Variants in DLG2 observed in about 807,000 individuals in gnomAD.
The protein encoded by DLG2 is discs large MAGUK scaffold protein 2.
DLG2 carries 45 observed loss-of-function variants against 132.5 expected under a neutral mutation model. The ratio of observed to expected loss-of-function variants is 0.34; its 90% CI spans 0.27 to 0.44. The LOEUF (loss-of-function observed/expected upper bound fraction) is 0.44, where lower values mean the gene tolerates loss of function less well. DLG2 is among the 20% of genes least tolerant of loss of function. DLG2 has a pLI of 1.00. For synonymous variants in DLG2, 424 were observed against 419.6 expected (o/e 1.01, Z -0.13); for missense variants, 1,045 against 1,196.9 (o/e 0.87, Z 1.87).
At chr11:84,851,702 A>G (rs538408083) in intron 6 of DLG2, among the ~76,000 whole-genome samples, 83 of 152,024 alleles carry the variant, frequency 5.5e-4, no homozygotes, top group Non-Finnish European at 1.1e-3. Flanking sequence ...TGGTGTGAGT[A>G]AATCTCAACT....
At chr11:84,400,217 A>G (rs551734797) in intron 7 of DLG2, among the ~76,000 whole-genome samples, 1 of 152,382 alleles carries the variant, frequency 6.6e-6, no homozygotes, top group East Asian at 1.9e-4. Context: ...TATAATTTCA[A>G]AAGAGCATTC....
intron 7 of DLG2, among the ~76,000 whole-genome samples, chr11:84,357,522 A>C (rs927955151): frequency 6.6e-6 from 1 of 152,030 alleles, no homozygotes; most frequent in Non-Finnish European, 1.5e-5. Flanking sequence ...TTTATGTTTA[A>C]GAGCAATGGC....
chr11:84,620,483 T>G (rs1251517942), intron 6 of DLG2, among the ~76,000 whole-genome samples: 1 of 151,894 alleles, frequency 6.6e-6, no homozygotes, highest in African/African-American at 2.4e-5. Flanking sequence ...ACATCTATGA[T>G]GAATAGTGGA....
intron 7 of DLG2, among the ~76,000 whole-genome samples, chr11:84,327,199 C>T (rs924969090): frequency 6.7e-6 from 1 of 150,014 alleles, no homozygotes; most frequent in South Asian, 2.1e-4. Flanking sequence ...TCACTTCAAC[C>T]TCTGCCTCCT....
intron 6 of DLG2, among the ~76,000 whole-genome samples, chr11:84,601,765 T>G (rs909592096): frequency 6.6e-6 from 1 of 152,048 alleles, no homozygotes; most frequent in Non-Finnish European, 1.5e-5. Flanking sequence ...ACAATTGTAG[T>G]TTACAAATTT....
chr11:83,600,096 G>C (rs1684588255), intron 19 of DLG2, among the ~76,000 whole-genome samples: 1 of 152,046 alleles, frequency 6.6e-6, no homozygotes, highest in Non-Finnish European at 1.5e-5. Context: ...GAACATAAAG[G>C]CATGGTCAAC....
chr11:83,835,526 T>C (rs1463785229), intron 16 of DLG2, among the ~76,000 whole-genome samples: 1 of 152,102 alleles, frequency 6.6e-6, no homozygotes, highest in East Asian at 1.9e-4. Flanking sequence ...GATCCTAATA[T>C]GGAAGGGTGC....
At chr11:84,053,158 G>A (rs1430220397) in intron 11 of DLG2, among the ~76,000 whole-genome samples, 1 of 151,992 alleles carries the variant, frequency 6.6e-6, no homozygotes, top group Non-Finnish European at 1.5e-5. Context: ...GCAAACTAAT[G>A]CAGGAACAGA....
chr11:84,204,579 TAAATG>T (rs2096641412), intron 8 of DLG2, among the ~76,000 whole-genome samples: 1 of 152,146 alleles, frequency 6.6e-6, no homozygotes, highest in South Asian at 2.1e-4. Context: ...ATGGTGGACT[TAAATG>T]AAACATTATA....
intron 6 of DLG2, among the ~76,000 whole-genome samples, chr11:84,727,522 T>C (rs1425685825): frequency 1.3e-5 from 2 of 152,162 alleles, no homozygotes; most frequent in African/African-American, 2.4e-5. Context: ...TGAAGTAAGA[T>C]AGCATGATGC....
intron 3 of DLG2, among the ~76,000 whole-genome samples, chr11:85,351,219 A>G (rs1053543878): frequency 2.6e-5 from 4 of 151,970 alleles, no homozygotes; most frequent in Non-Finnish European, 5.9e-5. Flanking sequence ...TGGTTTGTTA[A>G]TGGTGTATAG....
intron 4 of DLG2, among the ~76,000 whole-genome samples, chr11:85,270,990 G>T (rs1242638287): frequency 6.6e-6 from 1 of 152,214 alleles, no homozygotes; most frequent in East Asian, 1.9e-4. Flanking sequence ...GCTGGCTGCA[G>T]ACATTTGCAT....
intron 6 of DLG2, among the ~76,000 whole-genome samples, chr11:85,016,259 A>C (rs1253670329): frequency 6.6e-6 from 1 of 152,156 alleles, no homozygotes; most frequent in Non-Finnish European, 1.5e-5. Flanking sequence ...TCAGGATAGC[A>C]ATCTATCAAA....
chr11:85,141,348 G>A (rs558441109), intron 5 of DLG2, among the ~76,000 whole-genome samples: 14 of 151,732 alleles, frequency 9.2e-5, no homozygotes, highest in South Asian at 6.2e-4. Flanking sequence ...TATATCTATT[G>A]GCTATTTACA....
rs116894930 is a variant in DLG2 at position 85,000,274 on chromosome 11, C to T, written c.357+111387G>A. ...ATTGCTCATTCGATCTTCAAGACAG[C>T]ACTGTAAGAGTTAAATTTTATAACT... On this transcript the variant is annotated intron_variant, in intron 6 of 27. Coordinates refer to ENST00000376104, the MANE Select transcript of DLG2 (RefSeq NM_001142699.3). Among the ~76,000 whole-genome samples, 354 of 152,246 alleles carry T rather than the reference C, an allele frequency of 2.3e-3. 1 individual carries two copies. The highest frequency in any genetic ancestry group is 3.2e-3 in the Non-Finnish European group (220 of 68,014).
intron 3 of DLG2, among the ~76,000 whole-genome samples, chr11:85,476,387 G>C (rs1224052075): frequency 6.6e-6 from 1 of 152,010 alleles, no homozygotes; most frequent in Non-Finnish European, 1.5e-5. Context: ...CACTACTGTA[G>C]ACTTTATAAA....
intron 6 of DLG2, among the ~76,000 whole-genome samples, chr11:84,539,514 G>A (rs78606702): frequency 0.051 from 7,753 of 152,244 alleles, 232 homozygotes; most frequent in South Asian, 0.078. Flanking sequence ...CCTCTGTATT[G>A]CAGTCTGTGC....
In DLG2 at chr11:83,701,419, T is replaced by C; in HGVS notation, c.1826-68094A>G. Among the ~76,000 whole-genome samples, 2 of 152,212 alleles carry C rather than the reference T, an allele frequency of 1.3e-5. 1 individual carries two copies. On this transcript the variant is annotated intron_variant, in intron 18 of 27. Transcript: ENST00000376104. ...TATCAGTAAATATTAGCCCTGATCA[T>C]AAACATCTATCTTTGTATTCATTCA...
At chr11:84,552,102 T>A (rs1230234997) in intron 6 of DLG2, among the ~76,000 whole-genome samples, 1 of 152,144 alleles carries the variant, frequency 6.6e-6, no homozygotes, top group Non-Finnish European at 1.5e-5. Context: ...CCCTGGCACA[T>A]AGAAGAGGTT....
Sources: allele counts gnomAD v4.1 joint callset (sites outside exome capture counted in the v4.1 genomes callset), GRCh38; gene constraint gnomAD v4.1.1; transcripts MANE v1.5; gene names NCBI Gene and HGNC (gene_info 2026-07-23, HGNC 2026-07-21).